The following ABAT variants were observed in gnomAD, a reference collection of about 807,000 sequenced individuals.
ABAT encodes 4-aminobutyrate aminotransferase.
Under a neutral mutation model 64.6 loss-of-function variants are expected in ABAT, and 45 were observed. The observed-to-expected ratio is 0.70, with a 90% confidence interval of 0.55 to 0.89. The LOEUF (loss-of-function observed/expected upper bound fraction) is 0.89. Among genes scored for constraint, ABAT ranks in the 40% least tolerant of loss-of-function variants. The pLI is 0.00. For missense variants in ABAT, 633 were observed against 658.4 expected (o/e 0.96, Z 0.42); for synonymous variants, 297 against 250.5 (o/e 1.19, Z -1.75).
Position 8,699,890 on chromosome 16 carries a change from T to C in ABAT, c.-42+25179T>C, listed in dbSNP as rs187413901. Among the ~76,000 whole-genome samples, 26 of 152,268 alleles carry C rather than the reference T, an allele frequency of 1.7e-4. No individual in the cohort carries two copies. In the East Asian group the frequency reaches 4.8e-3, roughly 28 times the overall value. On this transcript the variant is annotated intron_variant, in intron 1 of 15. Coordinates refer to ENST00000268251, the MANE Select transcript of ABAT (RefSeq NM_020686.6). ...GTGCAGTGGCACGATCACGGCTGAC[T>C]GCAACCTCGACCTCTTGGGCTCAGG...
At chr16:8,761,446 C>T (rs1479745709) in intron 6 of ABAT, among the ~76,000 whole-genome samples, 11 of 152,264 alleles carry the variant, frequency 7.2e-5, no homozygotes, top group Admixed American at 5.2e-4. Flanking sequence ...CCACTTTCTT[C>T]TTTAGCCTTA....
intron 6 of ABAT, among the ~76,000 whole-genome samples, chr16:8,759,105 A>AAATAAT (rs199956919): frequency 1.3e-5 from 2 of 151,730 alleles, no homozygotes; most frequent in East Asian, 1.9e-4. Flanking sequence ...TTATCCCAAA[A>AAATAAT]AATAATAATA....
chr16:8,727,084 G>C (rs569727304), intron 1 of ABAT, among the ~76,000 whole-genome samples: 4 of 152,198 alleles, frequency 2.6e-5, no homozygotes, highest in Non-Finnish European at 5.9e-5. Flanking sequence ...TTTATATTCT[G>C]GTTATTAATC....
intron 1 of ABAT, among the ~76,000 whole-genome samples, chr16:8,678,461 A>C (rs899135122): frequency 6.6e-6 from 1 of 152,210 alleles, no homozygotes; most frequent in African/African-American, 2.4e-5. Context: ...CAGATAAGCA[A>C]ACTAAGCCTC....
intron 5 of ABAT, among the ~76,000 whole-genome samples, chr16:8,751,786 T>G (rs532716161): frequency 6.6e-6 from 1 of 152,248 alleles, no homozygotes; most frequent in South Asian, 2.1e-4. Context: ...CTCGGTGGGA[T>G]GCCCACAGCG....
chr16:8,751,547 A>G (rs2059483139), intron 5 of ABAT, among the ~76,000 whole-genome samples: 1 of 152,096 alleles, frequency 6.6e-6, no homozygotes, highest in African/African-American at 2.4e-5. Context: ...TGGTGCATAC[A>G]CCACACCCCA....
intron 1 of ABAT, among the ~76,000 whole-genome samples, chr16:8,714,310 C>G (rs2058150016): frequency 1.3e-5 from 2 of 152,192 alleles, no homozygotes; most frequent in African/African-American, 4.8e-5. Context: ...AGGACAAGAA[C>G]AGCACAAACA....
At chr16:8,759,636 C>G (rs150683063) in intron 6 of ABAT, among the ~76,000 whole-genome samples, 6 of 152,324 alleles carry the variant, frequency 3.9e-5, no homozygotes, top group African/African-American at 1.4e-4. Context: ...CCTCAGCCTC[C>G]TGAGTAGCAG....
At chr16:8,683,586 A>G (rs911493931) in intron 1 of ABAT, 2 of 150,730 alleles carry the variant, frequency 1.3e-5, no homozygotes, top group African/African-American at 4.9e-5. Context: ...GAGAGAAAAG[A>G]ACTGAAATGC....
chr16:8,738,517 C>T (rs2059051581), intron 2 of ABAT: 1 of 452,398 alleles, frequency 2.2e-6, no homozygotes, highest in Non-Finnish European at 4.4e-6. Flanking sequence ...GACAGTTTCT[C>T]AGTCTTTTCC....
At chr16:8,773,362 G>T (rs2060177283) in intron 12 of ABAT, among the ~76,000 whole-genome samples, 1 of 152,156 alleles carries the variant, frequency 6.6e-6, no homozygotes, top group Non-Finnish European at 1.5e-5. Flanking sequence ...ATGTTGGCCA[G>T]GCTGGTCTTG....
chr16:8,712,525 C>A (rs907436260), intron 1 of ABAT, among the ~76,000 whole-genome samples: 3 of 152,184 alleles, frequency 2.0e-5, no homozygotes, highest in African/African-American at 7.2e-5. Flanking sequence ...TGAATATTGT[C>A]AATTTCATGT....
At chr16:8,735,603 C>T in intron 1 of ABAT, 96 bp from the exon 2 acceptor site, 1 of 1,021,444 alleles carries the variant, frequency 9.8e-7, no homozygotes, top group Non-Finnish European at 1.5e-6. Context: ...GTCAGAAGAA[C>T]TTTCTCTATT....
At chr16:8,756,585 AC>A (rs1233760586) in intron 5 of ABAT, among the ~76,000 whole-genome samples, 4 of 152,118 alleles carry the variant, frequency 2.6e-5, no homozygotes, top group African/African-American at 9.7e-5. Flanking sequence ...CTCAGAAGCA[AC>A]CTGCTTCTTC....
At chr16:8,779,727 T>C (rs2060377321) in intron 15 of ABAT, 137 bp downstream of exon 15, 2 of 720,112 alleles carry the variant, frequency 2.8e-6, no homozygotes, top group African/African-American at 3.5e-5. Flanking sequence ...GCCTGAATGC[T>C]CTTTCTCCAA....
chr16:8,759,483 T>G (rs1047246452), intron 6 of ABAT, among the ~76,000 whole-genome samples: 19 of 152,090 alleles, frequency 1.2e-4, no homozygotes, highest in African/African-American at 4.6e-4. Flanking sequence ...CCCCTTACTT[T>G]TAACAGATTG....
Position 8,782,038 on chromosome 16 carries a change from A to G in ABAT, c.*608A>G. On this transcript the variant is annotated 3_prime_UTR_variant, in exon 16 of 16. Coordinates refer to ENST00000268251, the MANE Select transcript of ABAT (RefSeq NM_020686.6). ...GGTCCTCTGGCCCCCTGAAGATGAG[A>G]ATCACCCCTCTCAGTGCACCTGGGG... is the stretch of plus-strand genomic sequence containing the variant. 1 of 165,950 alleles carries G rather than the reference A, an allele frequency of 6.0e-6. No homozygotes were observed. The highest frequency in any genetic ancestry group is 5.6e-5 in the Admixed American group (1 of 17,902). 10.3% of individuals were successfully genotyped at this position (165,950 alleles called of 1,614,324 possible).
intron 1 of ABAT, among the ~76,000 whole-genome samples, chr16:8,720,500 A>G (rs765342253): frequency 2.6e-5 from 4 of 152,220 alleles, no homozygotes; most frequent in Admixed American, 6.5e-5. Context: ...GCAGGGAGAG[A>G]GGGCTGGGGC....
At chr16:8,691,998 C>G (rs1304789288) in intron 1 of ABAT, among the ~76,000 whole-genome samples, 1 of 152,220 alleles carries the variant, frequency 6.6e-6, no homozygotes, top group Non-Finnish European at 1.5e-5. Flanking sequence ...CACCTGTTTT[C>G]AGTACCTTGT....
Sources: allele counts gnomAD v4.1 joint callset (sites outside exome capture counted in the v4.1 genomes callset), GRCh38; gene constraint gnomAD v4.1.1; transcripts MANE v1.5; gene names NCBI Gene and HGNC (gene_info 2026-07-23, HGNC 2026-07-21).